Variants in MARK1 observed in about 807,000 individuals in gnomAD.
MARK1 encodes the protein serine/threonine-protein kinase MARK1.
In MARK1, 40 loss-of-function variants were observed where a neutral mutation model predicts 96.3. That is an observed-to-expected ratio of 0.42 (90% CI 0.32 to 0.54). The LOEUF (loss-of-function observed/expected upper bound fraction) is 0.54. Ranked by LOEUF, MARK1 falls within the 20% of genes least tolerant of loss-of-function variation. The probability of loss-of-function intolerance (pLI) is 0.16; values close to 1 mark genes in which losing one functional copy is unlikely to be tolerated. For missense variants in MARK1, 719 were observed against 984.6 expected, an observed-to-expected ratio of 0.73 and a Z score of 3.61; for synonymous variants, 317 against 341.2, an observed-to-expected ratio of 0.93 and a Z score of 0.78.
intron 6 of MARK1, among the ~76,000 whole-genome samples, chr1:220,609,651 G>C (rs995040783): frequency 3.3e-5 from 5 of 152,166 alleles, no homozygotes; most frequent in Non-Finnish European, 5.9e-5. Context: ...TCATAGCATC[G>C]ATGGTCTTTA....
intron 1 of MARK1, among the ~76,000 whole-genome samples, chr1:220,537,959 T>C (rs900883701): frequency 1.3e-5 from 2 of 152,178 alleles, no homozygotes; most frequent in African/African-American, 4.8e-5. Context: ...GTAAATTTGT[T>C]TGAGTTCATT....
At chr1:220,552,573 T>G (rs545877718) in intron 1 of MARK1, among the ~76,000 whole-genome samples, 33 of 152,330 alleles carry the variant, frequency 2.2e-4, no homozygotes, top group African/African-American at 7.9e-4. Flanking sequence ...CTGCTTTCAT[T>G]CTTTATTTGC....
rs368616736 is a variant in MARK1 at position 220,648,594 on chromosome 1, T to G, written c.1471-2026T>G. Among the ~76,000 whole-genome samples the G allele has an allele frequency of 4.6e-5, 7 of 152,244 alleles. No homozygotes were observed. The South Asian group carries it at 1.5e-3, about 32-fold the overall frequency. On this transcript the variant is annotated intron_variant, in intron 13 of 17. Transcript: ENST00000366917. ...CAGAGGCACAGCTTGGAAGGAGAGA[T>G]CCCATTCACCATCAGCCTTTGAAAA...
intron 7 of MARK1, among the ~76,000 whole-genome samples, chr1:220,617,645 G>A (rs952433164): frequency 2.6e-5 from 4 of 152,146 alleles, no homozygotes; most frequent in African/African-American, 4.8e-5. Context: ...ATCTCAAAAC[G>A]TGGAAAATTC....
intron 16 of MARK1, among the ~76,000 whole-genome samples, 185 bp from the exon 17 acceptor site, chr1:220,657,605 T>A (rs1018987270): frequency 6.6e-6 from 1 of 152,186 alleles, no homozygotes; most frequent in Non-Finnish European, 1.5e-5. Flanking sequence ...AGACGCTCAA[T>A]AAATGATAAA....
At chr1:220,573,842 A>G (rs926579568) in intron 1 of MARK1, among the ~76,000 whole-genome samples, 14 of 151,764 alleles carry the variant, frequency 9.2e-5, no homozygotes, top group African/African-American at 3.1e-4. Context: ...TGTAGTATAT[A>G]TTGTAGTATA....
chr1:220,620,462 G>C lies in MARK1; in HGVS notation c.909+1707G>C, dbSNP rs932168436. Reference sequence around the variant, plus strand: ...CTTGACCTGAGTGACACAATAAAATGCTCAAAGTTGAAGCAGCAGCTTAGC... The same window carrying C: ...CTTGACCTGAGTGACACAATAAAATCCTCAAAGTTGAAGCAGCAGCTTAGC... On this transcript the variant is annotated intron_variant, in intron 9 of 17. Coordinates refer to ENST00000366917, the MANE Select transcript of MARK1 (RefSeq NM_018650.5). Among the ~76,000 whole-genome samples the C allele has an allele frequency of 4.6e-5, 7 of 152,224 alleles. No homozygotes were observed. The East Asian group carries it at 1.3e-3, about 29-fold the overall frequency.
rs762104944 is a variant in MARK1 at position 220,635,392 on chromosome 1, C to T, written c.1139C>T (p.Ser380Leu). 9.0e-6 allele frequency: 14 copies of T among 1,549,740 alleles called. No individual in the cohort carries two copies. The African/African-American group carries it at 1.0e-4, about 11-fold the overall frequency. Reference sequence around the variant, plus strand: ...TTCTTATAGTTTGAAGGTGGTGAATCGTTATCCAGTGGAAACTTGTGTCAG... The same window carrying T: ...TTCTTATAGTTTGAAGGTGGTGAATTGTTATCCAGTGGAAACTTGTGTCAG... Reference protein sequence around the residue: ...RKPPEFEGGESLSSGNLCQRS... With the variant: ...RKPPEFEGGELLSSGNLCQRS... The change falls in exon 12 of 18, where the codon TCG becomes TTG. Residue 380 changes from serine to leucine, a missense_variant. Coordinates refer to ENST00000366917, the MANE Select transcript of MARK1 (RefSeq NM_018650.5).
At chr1:220,552,812 C>A (rs1386337407) in intron 1 of MARK1, among the ~76,000 whole-genome samples, 1 of 152,168 alleles carries the variant, frequency 6.6e-6, no homozygotes, top group Non-Finnish European at 1.5e-5. Context: ...CAACCTGTCA[C>A]TGGGTGACTG....
chr1:220,591,223 A>G (rs1195242696), intron 3 of MARK1, among the ~76,000 whole-genome samples: 5 of 152,186 alleles, frequency 3.3e-5, no homozygotes, highest in African/African-American at 9.6e-5. Context: ...AAACACCCCA[A>G]TACTTTTGGA....
At position 220,635,519 on chromosome 1, in the gene MARK1, C is replaced by G. The variant is rs1392857654; in HGVS notation, c.1266C>G (p.Phe422Leu). 3 of 1,608,846 alleles carry G rather than the reference C, an allele frequency of 1.9e-6. No homozygotes were observed. Among genetic ancestry groups the G allele is most frequent in the Non-Finnish European group, 2.5e-6 (3 of 1,178,754 alleles). ...SISANQKQRR[F>L]SDHAGPSIPP... ...CAGCAAATCAGAAGCAGCGGCGTTT[C>G]AGTGATCATGGTAGGGGAAAAAGTC... The change falls in exon 12 of 18, where the codon TTC (phenylalanine) becomes TTG (leucine). Residue 422 changes from phenylalanine to leucine, a missense_variant. Phe to Leu is a conservative substitution (Grantham distance 22, BLOSUM62 0). This residue lies in a region of MARK1 where 501 missense variants were observed against 588.3 expected (regional missense o/e 0.85). Coordinates refer to ENST00000366917, the MANE Select transcript of MARK1 (RefSeq NM_018650.5).
rs1025576050 is a variant in MARK1 at position 220,662,798 on chromosome 1, T to TA, written c.*633dup. ...ACAAAATGTTTACAGTGTTGGCACT[T>TA]AGAGTTTTTAAATTCAAGTACATGA... is the stretch of plus-strand genomic sequence containing the variant. On this transcript the variant is annotated 3_prime_UTR_variant, in exon 18 of 18. Transcript: ENST00000366917. 6.5e-6 allele frequency: 1 copy of TA among 152,676 alleles called. No homozygotes were observed. The highest frequency in any genetic ancestry group is 1.5e-5 in the Non-Finnish European group (1 of 68,056). 9.5% of individuals were successfully genotyped at this position (152,676 alleles called of 1,614,324 possible).
chr1:220,567,057 C>T (rs528547341), intron 1 of MARK1, among the ~76,000 whole-genome samples: 1 of 152,100 alleles, frequency 6.6e-6, no homozygotes, highest in South Asian at 2.1e-4. Context: ...TGTTTTCATA[C>T]ATATTTTATG....
At chr1:220,593,441 A>G (rs1447516680) in intron 3 of MARK1, among the ~76,000 whole-genome samples, 1 of 152,200 alleles carries the variant, frequency 6.6e-6, no homozygotes, top group African/African-American at 2.4e-5. Context: ...ATTAAAACCT[A>G]GAATCATCAG....
chr1:220,536,590 C>G (rs939001453), intron 1 of MARK1, among the ~76,000 whole-genome samples: 8 of 149,542 alleles, frequency 5.3e-5, no homozygotes, highest in African/African-American at 1.7e-4. Flanking sequence ...GAGTCTTATT[C>G]TTTCACCCAA....
At chr1:220,634,811 C>G (rs997672599) in intron 11 of MARK1, among the ~76,000 whole-genome samples, 1 of 151,876 alleles carries the variant, frequency 6.6e-6, no homozygotes, top group Non-Finnish European at 1.5e-5. Flanking sequence ...AATATAATTT[C>G]CTGATCAGAA....
chr1:220,660,398 G>C (rs2103076135), intron 17 of MARK1, among the ~76,000 whole-genome samples: 1 of 152,270 alleles, frequency 6.6e-6, no homozygotes, highest in African/African-American at 2.4e-5. Flanking sequence ...TGGGGACTCA[G>C]ATACCTAGGC....
chr1:220,558,180 T>TAATAA lies in MARK1; in HGVS notation c.52-21174_52-21173insAATAA, dbSNP rs1553316629. Reference sequence around the variant, plus strand: ...AATAATAATAATAATAATAATAATATGGGAAATGGCAGGGGAAACATTGGA... The same window carrying TAATAA: ...AATAATAATAATAATAATAATAATATAATAAGGGAAATGGCAGGGGAAACATTGGA... On this transcript the variant is annotated intron_variant, in intron 1 of 17. Coordinates refer to ENST00000366917, the MANE Select transcript of MARK1 (RefSeq NM_018650.5). Among the ~76,000 whole-genome samples, 152 of 141,056 alleles carry TAATAA rather than the reference T, an allele frequency of 1.1e-3. 1 individual carries two copies. The highest frequency in any genetic ancestry group is 1.9e-3 in the African/African-American group (74 of 38,796). 92.5% of individuals were successfully genotyped at this position (141,056 alleles called of 152,430 possible). A position where few individuals can be genotyped will look rare whatever the true frequency, so the allele number is the denominator to read the frequency against.
In MARK1 at chr1:220,618,008, G is replaced by A. The variant is rs1239871577; in HGVS notation, c.553-302G>A. Among the ~76,000 whole-genome samples the A allele has an allele frequency of 2.6e-5, 4 of 152,144 alleles. No homozygotes were observed. Among genetic ancestry groups the A allele is most frequent in the African/African-American group, 9.7e-5 (4 of 41,440 alleles). On this transcript the variant is annotated intron_variant, in intron 7 of 17. Coordinates refer to ENST00000366917, the MANE Select transcript of MARK1 (RefSeq NM_018650.5). This position sits in a 1 kb window ranked among gnomAD's most constrained non-coding sequence, Gnocchi z 4.6. ...GTACGCTTCCAGGATGTTTCTGACTGTGAGGAAAAAAATGAGTTTAAAATA... is the reference window on the plus strand; with the variant it reads ...GTACGCTTCCAGGATGTTTCTGACTATGAGGAAAAAAATGAGTTTAAAATA...
Sources: gnomAD v4.1 joint callset for allele counts (sites outside exome capture counted in the v4.1 genomes callset) on GRCh38, gnomAD v4.1.1 for gene constraint, gnomAD v4.1.1 regional missense constraint, Gnocchi (gnomAD v3.1) non-coding constraint, MANE v1.5 for transcripts, NCBI Gene and HGNC (gene_info 2026-07-23, HGNC 2026-07-21) for gene names.